The following TXLNB variants were observed in gnomAD, a reference collection of about 807,000 sequenced individuals.
The protein encoded by TXLNB is beta-taxilin.
TXLNB carries 37 observed loss-of-function variants against 57.4 expected under a neutral mutation model. The ratio of observed to expected loss-of-function variants is 0.64; its 90% CI spans 0.50 to 0.85. The LOEUF (loss-of-function observed/expected upper bound fraction) is 0.85, where lower values mean the gene tolerates loss of function less well. Ranked by LOEUF, TXLNB falls within the 40% of genes least tolerant of loss-of-function variation. TXLNB has a pLI of 0.00. For synonymous variants in TXLNB, 302 were observed against 309.6 expected (o/e 0.98, Z 0.26); for missense variants, 848 against 825.6 (o/e 1.03, Z -0.33).
chr6:139,270,451 C>G lies in TXLNB; in HGVS notation c.687+5G>C, dbSNP rs1199146159. On this transcript the variant is annotated splice_donor_5th_base_variant and intron_variant, in intron 4 of 9. Coordinates refer to ENST00000358430, the MANE Select transcript of TXLNB (RefSeq NM_153235.4). ...ATTATGTTATTCTGAGGCATGGGGA[C>G]ATACCTTCAGAGTCTTGTTGTGTCT... 1 of 1,612,534 alleles carries G rather than the reference C, an allele frequency of 6.2e-7. No individual in the cohort carries two copies.
At chr6:139,206,464 T>C in the TXLNB span, among the ~76,000 whole-genome samples, 1 of 152,048 alleles carries the variant, frequency 6.6e-6, no homozygotes, top group Non-Finnish European at 1.5e-5. Context: ...GTCAGGAGAT[T>C]GAGACCATCC....
the TXLNB span, among the ~76,000 whole-genome samples, chr6:139,225,510 A>G: frequency 1.3e-5 from 2 of 152,204 alleles, no homozygotes; most frequent in African/African-American, 4.8e-5. Context: ...TAAAAAAATT[A>G]TATTTTTGTA....
chr6:139,228,635 C>T, the TXLNB span, among the ~76,000 whole-genome samples: 7 of 151,856 alleles, frequency 4.6e-5, no homozygotes. Flanking sequence ...CAACTCCACT[C>T]ACCTCCTCTT....
chr6:139,285,010 T>C (rs6909584), intron 2 of TXLNB, among the ~76,000 whole-genome samples: 33,273 of 144,316 alleles, frequency 0.23, 8,089 homozygotes, highest in African/African-American at 0.47. Flanking sequence ...AGCCCACACA[T>C]ACTCAATTAG....
At chr6:139,191,658 T>C in the TXLNB span, among the ~76,000 whole-genome samples, 2 of 152,176 alleles carry the variant, frequency 1.3e-5, no homozygotes, top group Non-Finnish European at 2.9e-5. Flanking sequence ...TAACACTGTT[T>C]CACATATTTC....
At chr6:139,300,501 T>C in the TXLNB span, among the ~76,000 whole-genome samples, 1 of 152,306 alleles carries the variant, frequency 6.6e-6, no homozygotes, top group Admixed American at 6.5e-5. Context: ...TAATTGTCCA[T>C]TGATAGGCTT....
the TXLNB span, among the ~76,000 whole-genome samples, chr6:139,164,075 C>A: frequency 3.7e-5 from 4 of 108,316 alleles, no homozygotes; most frequent in African/African-American, 1.8e-4. Context: ...CAAACACACA[C>A]ACACACTCTC....
downstream of TXLNB, chr6:139,237,256 C>G (rs1775845750): frequency 1.3e-5 from 2 of 152,052 alleles, no homozygotes; most frequent in Non-Finnish European, 2.9e-5. Context: ...AATTCCAGCA[C>G]TTTTGGAGGC....
At chr6:139,258,148 G>A (rs1776392167) in intron 6 of TXLNB, among the ~76,000 whole-genome samples, 1 of 152,160 alleles carries the variant, frequency 6.6e-6, no homozygotes, top group African/African-American at 2.4e-5. Flanking sequence ...AAAAGGAGGT[G>A]CCCCAGCTGC....
chr6:139,213,302 T>C, the TXLNB span, among the ~76,000 whole-genome samples: 1 of 152,208 alleles, frequency 6.6e-6, no homozygotes, highest in Middle Eastern at 3.4e-3. Context: ...GCAATCAAAC[T>C]AGAACTCAGG....
At chr6:139,166,608 A>T in the TXLNB span, 1 of 1,614,250 alleles carries the variant, frequency 6.2e-7, no homozygotes, top group Middle Eastern at 1.6e-4. Context: ...CGGATGCAGG[A>T]CGAGAAAAAG....
At position 139,243,335 on chromosome 6, in the gene TXLNB, C is replaced by T. The variant is rs748348643; in HGVS notation, c.1267-21G>A. 4 of 1,580,954 alleles carry T rather than the reference C, an allele frequency of 2.5e-6. No individual in the cohort carries two copies. In the African/African-American group the frequency reaches 5.4e-5, roughly 21 times the overall value. On this transcript the variant is annotated intron_variant, in intron 9 of 9. Coordinates refer to ENST00000358430, the MANE Select transcript of TXLNB (RefSeq NM_153235.4). ...GCTTTCTGTGATGTGAAAACACACG[C>T]ACATACACACACAGATGAAATGACA...
At chr6:139,159,348 A>T in the TXLNB span, 1 of 152,222 alleles carries the variant, frequency 6.6e-6, no homozygotes, top group African/African-American at 2.4e-5. Flanking sequence ...AGGAATAATC[A>T]GCGATCTAAT....
At chr6:139,211,457 A>G in the TXLNB span, among the ~76,000 whole-genome samples, 1 of 152,192 alleles carries the variant, frequency 6.6e-6, no homozygotes, top group African/African-American at 2.4e-5. Flanking sequence ...CAGAAAGGAC[A>G]TCTACACCAA....
At chr6:139,198,996 G>T in the TXLNB span, among the ~76,000 whole-genome samples, 2 of 146,070 alleles carry the variant, frequency 1.4e-5, no homozygotes, top group Admixed American at 6.9e-5. Flanking sequence ...AAATCATCCA[G>T]CCCAAAATGT....
At chr6:139,224,176 C>T in the TXLNB span, among the ~76,000 whole-genome samples, 1 of 150,676 alleles carries the variant, frequency 6.6e-6, no homozygotes, top group Admixed American at 6.7e-5. Flanking sequence ...AATCATCATT[C>T]TCGGTAAACT....
chr6:139,308,903 CGCTTA>C, the TXLNB span, among the ~76,000 whole-genome samples: 1 of 152,172 alleles, frequency 6.6e-6, no homozygotes, highest in Non-Finnish European at 1.5e-5. Context: ...TTGTGTTGAC[CGCTTA>C]GCATCCAAGT....
chr6:139,279,285 T>A (rs968482904), intron 2 of TXLNB, among the ~76,000 whole-genome samples: 18 of 152,184 alleles, frequency 1.2e-4, no homozygotes, highest in African/African-American at 4.3e-4. Flanking sequence ...AAGAGGTTTC[T>A]TTTTGGTTTT....
Position 139,242,507 on chromosome 6 carries a change from T to G in TXLNB, c.*19A>C. The G allele has an allele frequency of 6.8e-7, 1 of 1,480,520 alleles. No homozygotes were observed. Among genetic ancestry groups the G allele is most frequent in the Non-Finnish European group, 9.0e-7 (1 of 1,116,474 alleles). The allele number at this position is 1,480,520 out of a possible 1,614,324, so 91.7% of individuals were successfully genotyped here. ...ATATGCAAAGAGGCAGGAAGAAGCC[T>G]CTGAAGGCACGGTGAGGCTTAGTCG... is the stretch of plus-strand genomic sequence containing the variant. On this transcript the variant is annotated 3_prime_UTR_variant, in exon 10 of 10. Coordinates refer to ENST00000358430, the MANE Select transcript of TXLNB (RefSeq NM_153235.4).
Sources: allele counts gnomAD v4.1 joint callset (sites outside exome capture counted in the v4.1 genomes callset), GRCh38; gene constraint gnomAD v4.1.1; transcripts MANE v1.5; gene names NCBI Gene and HGNC (gene_info 2026-07-23, HGNC 2026-07-21).